The following PKP4 variants were observed in gnomAD, a reference collection of about 807,000 sequenced individuals.
The protein encoded by PKP4 is plakophilin-4.
A neutral mutation model predicts 145.1 loss-of-function variants in PKP4; 90 were observed. That is an observed-to-expected ratio of 0.62 (90% CI 0.52 to 0.74). PKP4 has a LOEUF of 0.74. PKP4 is among the 30% of genes least tolerant of loss of function. The probability of loss-of-function intolerance (pLI) is 0.00; values close to 1 mark genes in which losing one functional copy is unlikely to be tolerated. For missense variants in PKP4, 1,340 were observed against 1,482.7 expected (o/e 0.90, Z 1.58); for synonymous variants, 563 against 577.2 (o/e 0.98, Z 0.35).
chr2:158,526,928 G>C lies in PKP4; in HGVS notation c.-5-6252G>C, dbSNP rs1444783012. Among the ~76,000 whole-genome samples, 42 of 74,748 alleles carry C rather than the reference G, an allele frequency of 5.6e-4. 1 individual carries two copies. The East Asian group carries it at 0.017, about 30-fold the overall frequency. 49.0% of individuals were successfully genotyped at this position (74,748 alleles called of 152,430 possible). On this transcript the variant is annotated intron_variant, in intron 1 of 21. Coordinates refer to ENST00000389759, the MANE Select transcript of PKP4 (RefSeq NM_003628.6). ...AAATACCTAGGAATCCAACTTACAAGGGATGTGAAGGACCTCTTCAAGGAG... is the reference window on the plus strand; with the variant it reads ...AAATACCTAGGAATCCAACTTACAACGGATGTGAAGGACCTCTTCAAGGAG...
chr2:158,490,094 A>G (rs908313588), intron 1 of PKP4, among the ~76,000 whole-genome samples: 3 of 152,230 alleles, frequency 2.0e-5, no homozygotes, highest in African/African-American at 7.2e-5. Context: ...CGTGAGATTT[A>G]TTTAAAATAT....
Position 158,537,856 on chromosome 2 carries a change from C to G in PKP4, c.132+4540C>G, listed in dbSNP as rs1245237150. Among the ~76,000 whole-genome samples, 46 of 152,080 alleles carry G rather than the reference C, an allele frequency of 3.0e-4. 1 individual carries two copies. The highest frequency in any genetic ancestry group is 3.0e-3 in the Admixed American group (46 of 15,270). ...CAGCCTGGGCAACATGACAAAAACC[C>G]TGTCTCTACAAAAAATACAAAAAAT... On this transcript the variant is annotated intron_variant, in intron 2 of 21. Transcript: ENST00000389759.
chr2:158,674,099 T>C (rs2057797742), intron 19 of PKP4, 99 bp downstream of exon 19: 6 of 780,436 alleles, frequency 7.7e-6, no homozygotes, highest in Admixed American at 5.1e-5. Context: ...AAGCCTGTCA[T>C]CTCCAACACT....
At chr2:158,468,821 G>GAGTGC (rs1365641350) in intron 1 of PKP4, among the ~76,000 whole-genome samples, 1 of 131,066 alleles carries the variant, frequency 7.6e-6, no homozygotes, top group African/African-American at 2.9e-5. Context: ...ACCCAGGCTG[G>GAGTGC]AGTGCAGTGG....
At chr2:158,608,986 G>GT (rs948252925) in intron 4 of PKP4, among the ~76,000 whole-genome samples, 7 of 150,494 alleles carry the variant, frequency 4.7e-5, no homozygotes, top group Non-Finnish European at 5.9e-5. Context: ...GCTAATTTTT[G>GT]TTTTTTTTAA....
chr2:158,592,839 T>C (rs1433963978), intron 3 of PKP4, among the ~76,000 whole-genome samples: 2 of 152,164 alleles, frequency 1.3e-5, no homozygotes, highest in Non-Finnish European at 2.9e-5. Context: ...CGAAATTAAA[T>C]TGTATGCATC....
chr2:158,477,822 C>CTGCA (rs919996868), intron 1 of PKP4, among the ~76,000 whole-genome samples: 9 of 152,288 alleles, frequency 5.9e-5, no homozygotes, highest in Admixed American at 3.9e-4. Context: ...AGCTACTGCA[C>CTGCA]TGCAGCCTGA....
intron 1 of PKP4, among the ~76,000 whole-genome samples, chr2:158,469,981 G>A (rs192361936): frequency 1.4e-3 from 211 of 152,024 alleles, no homozygotes; most frequent in Non-Finnish European, 2.3e-3. Flanking sequence ...CTGGCCCTTC[G>A]CTCTGCCCAA....
intron 2 of PKP4, among the ~76,000 whole-genome samples, chr2:158,574,009 G>A (rs1362777792): frequency 6.6e-6 from 1 of 152,232 alleles, no homozygotes; most frequent in Non-Finnish European, 1.5e-5. Flanking sequence ...CTTGGGCAGT[G>A]TAGCTCTGTC....
chr2:158,459,982 G>A (rs1424404810), intron 1 of PKP4, among the ~76,000 whole-genome samples: 2 of 152,162 alleles, frequency 1.3e-5, no homozygotes, highest in Non-Finnish European at 2.9e-5. Context: ...TGACCAAAGT[G>A]CATTCCCTCC....
intron 18 of PKP4, 56 bp downstream of exon 18, chr2:158,673,817 A>G (rs2057778297): frequency 2.7e-6 from 4 of 1,459,298 alleles, no homozygotes; most frequent in South Asian, 1.1e-5. Flanking sequence ...ACACACTCAT[A>G]ATCATTTATT....
At chr2:158,645,643 TTAAC>T (rs1415193109) in intron 11 of PKP4, among the ~76,000 whole-genome samples, 3 of 152,196 alleles carry the variant, frequency 2.0e-5, no homozygotes, top group African/African-American at 7.2e-5. Flanking sequence ...CTCCTCAAAT[TTAAC>T]TAGCCAGATT....
At chr2:158,615,363 T>C (rs2051502120) in intron 4 of PKP4, among the ~76,000 whole-genome samples, 1 of 152,126 alleles carries the variant, frequency 6.6e-6, no homozygotes, top group Non-Finnish European at 1.5e-5. Context: ...CCTCAGCCAT[T>C]TATGAAGCCT....
At chr2:158,541,293 T>A (rs2044504932) in intron 2 of PKP4, among the ~76,000 whole-genome samples, 1 of 152,194 alleles carries the variant, frequency 6.6e-6, no homozygotes, top group Non-Finnish European at 1.5e-5. Flanking sequence ...TCACTTCATC[T>A]GTTTATATTT....
chr2:158,672,514 A>G (rs1463659454), intron 17 of PKP4, among the ~76,000 whole-genome samples: 3 of 152,208 alleles, frequency 2.0e-5, no homozygotes, highest in African/African-American at 7.2e-5. Flanking sequence ...AGACGGGTGA[A>G]CAAAGCAGCA....
chr2:158,632,664 A>G (rs2053475072), intron 8 of PKP4: 1 of 152,116 alleles, frequency 6.6e-6, no homozygotes, highest in South Asian at 2.1e-4. Flanking sequence ...AAATTTATTA[A>G]CATGCTTACA....
At chr2:158,637,733 C>G (rs749825377) in intron 9 of PKP4, among the ~76,000 whole-genome samples, 1 of 152,204 alleles carries the variant, frequency 6.6e-6, no homozygotes, top group Non-Finnish European at 1.5e-5. Context: ...GCTAAATTCA[C>G]TTTTATAATT....
intron 3 of PKP4, among the ~76,000 whole-genome samples, chr2:158,590,871 A>G (rs996872496): frequency 3.3e-5 from 5 of 152,236 alleles, no homozygotes; most frequent in Admixed American, 3.3e-4. Context: ...CTGACAGGAC[A>G]TGAACCCACT....
Position 158,495,833 on chromosome 2 carries a change from CTAAATAAATAAATAAATAAATAAATAAA to C in PKP4, c.-5-37327_-5-37300del, listed in dbSNP as rs144207416. ...TGGGCGACAGAGCAAGACTCTGTCT[CTAAATAAATAAATAAATAAATAAATAAA>C]TAAATAAATAAATAAATAAGAGGGG... On this transcript the variant is annotated intron_variant, in intron 1 of 21. Coordinates refer to ENST00000389759, the MANE Select transcript of PKP4 (RefSeq NM_003628.6). Among the ~76,000 whole-genome samples, 33 of 143,930 alleles carry C rather than the reference CTAAATAAATAAATAAATAAATAAATAAA, an allele frequency of 2.3e-4. No homozygotes were observed. In the East Asian group the frequency reaches 4.2e-3, roughly 19 times the overall value. 94.4% of individuals were successfully genotyped at this position (143,930 alleles called of 152,430 possible).
Sources: gnomAD v4.1 joint callset for allele counts (sites outside exome capture counted in the v4.1 genomes callset) on GRCh38, gnomAD v4.1.1 for gene constraint, MANE v1.5 for transcripts, NCBI Gene and HGNC (gene_info 2026-07-23, HGNC 2026-07-21) for gene names.